Variants in ATG10 observed in about 807,000 individuals in gnomAD.
ATG10 encodes the protein autophagy related 10, also known as ubiquitin-like-conjugating enzyme ATG10.
In ATG10, 30 loss-of-function variants were observed where a neutral mutation model predicts 32.1. The ratio of observed to expected loss-of-function variants is 0.94; its 90% CI spans 0.70 to 1.27. The LOEUF (loss-of-function observed/expected upper bound fraction) is 1.27. Ranked by LOEUF, ATG10 falls within the 50% of genes most tolerant of loss-of-function variation. The pLI is 0.00. For missense variants in ATG10, 233 were observed against 262.3 expected (o/e 0.89, Z 0.77); for synonymous variants, 87 against 91.5 (o/e 0.95, Z 0.28).
chr5:82,078,489 A>G (rs1462587618), intron 3 of ATG10: 5 of 152,222 alleles, frequency 3.3e-5, no homozygotes, highest in African/African-American at 9.7e-5. Flanking sequence ...AGGAGGATTG[A>G]TAAGTCTAGG....
intron 2 of ATG10, among the ~76,000 whole-genome samples, chr5:82,029,961 G>A (rs1216509597): frequency 6.6e-6 from 1 of 152,186 alleles, no homozygotes; most frequent in Non-Finnish European, 1.5e-5. Flanking sequence ...AAGGTCACAT[G>A]TATTGGTGGC....
chr5:82,115,868 C>G (rs1222745697), intron 3 of ATG10, among the ~76,000 whole-genome samples: 3 of 151,902 alleles, frequency 2.0e-5, no homozygotes, highest in Non-Finnish European at 4.4e-5. Context: ...GGGAAAGAAA[C>G]CAGAGGAGAG....
intron 2 of ATG10, among the ~76,000 whole-genome samples, chr5:82,002,406 G>A (rs77214426): frequency 0.026 from 4,007 of 152,164 alleles, 77 homozygotes; most frequent in Middle Eastern, 0.044. Context: ...CCCATCAACA[G>A]TAGACTGGAT....
At chr5:82,174,641 A>G (rs1743939726) in intron 4 of ATG10, among the ~76,000 whole-genome samples, 1 of 152,210 alleles carries the variant, frequency 6.6e-6, no homozygotes, top group African/African-American at 2.4e-5. Context: ...TCAAAAGTTC[A>G]AAGGCAGTTC....
intron 5 of ATG10, among the ~76,000 whole-genome samples, chr5:82,213,982 A>G (rs1745585989): frequency 6.6e-6 from 1 of 152,180 alleles, no homozygotes; most frequent in South Asian, 2.1e-4. Flanking sequence ...TTCTGAGCAA[A>G]TGTGATCCTG....
intron 3 of ATG10, among the ~76,000 whole-genome samples, chr5:82,152,219 G>A (rs141533355): frequency 1.1e-4 from 16 of 152,308 alleles, no homozygotes; most frequent in African/African-American, 3.9e-4. Flanking sequence ...ATTAGGACAG[G>A]GTTCTTTATG....
intron 3 of ATG10, 151 bp from the exon 4 acceptor site, chr5:82,164,248 C>T (rs1743485262): frequency 2.8e-6 from 2 of 722,250 alleles, no homozygotes; most frequent in Non-Finnish European, 4.5e-6. Flanking sequence ...AAATGTTAAA[C>T]ATTAATATGG....
At chr5:82,165,528 C>T (rs1228417805) in intron 4 of ATG10, among the ~76,000 whole-genome samples, 1 of 152,198 alleles carries the variant, frequency 6.6e-6, no homozygotes, top group Non-Finnish European at 1.5e-5. Flanking sequence ...AAGAAATTCT[C>T]ATAGACTCCC....
chr5:82,050,839 CAAAAAAAAAAAAAAAAAAAAA>C (rs71000881), intron 2 of ATG10, among the ~76,000 whole-genome samples: 1 of 36,272 alleles, frequency 2.8e-5, no homozygotes, highest in Admixed American at 4.4e-4. Flanking sequence ...CCATCTCTAC[CAAAAAAAAAAAAAAAAAAAAA>C]AAAAAAAAAT....
At chr5:81,982,837 C>G (rs934725685) in intron 1 of ATG10, among the ~76,000 whole-genome samples, 2 of 152,200 alleles carry the variant, frequency 1.3e-5, no homozygotes, top group Non-Finnish European at 2.9e-5. Context: ...CCATTTAACC[C>G]CGAGTGGACA....
At chr5:82,226,473 A>G (rs893961512) in intron 5 of ATG10, among the ~76,000 whole-genome samples, 2 of 152,142 alleles carry the variant, frequency 1.3e-5, no homozygotes, top group African/African-American at 2.4e-5. Context: ...ATTTCAAACA[A>G]TCCTATTACC....
chr5:82,054,579 C>G (rs1368724246), intron 2 of ATG10, among the ~76,000 whole-genome samples: 1 of 152,248 alleles, frequency 6.6e-6, no homozygotes, highest in African/African-American at 2.4e-5. Context: ...CCGCTTTCCA[C>G]TTCCTGCTCT....
intron 2 of ATG10, among the ~76,000 whole-genome samples, chr5:81,998,861 C>T (rs1160707309): frequency 6.6e-6 from 1 of 152,036 alleles, no homozygotes; most frequent in Non-Finnish European, 1.5e-5. Flanking sequence ...TGTAAGTACC[C>T]ACACAGGAGC....
chr5:82,104,064 C>A (rs1186277632), intron 3 of ATG10, among the ~76,000 whole-genome samples: 1 of 151,958 alleles, frequency 6.6e-6, no homozygotes, highest in Non-Finnish European at 1.5e-5. Context: ...TTCAAATATA[C>A]CATGTTTTGT....
chr5:82,030,139 A>G (rs1762705735), intron 2 of ATG10, among the ~76,000 whole-genome samples: 1 of 152,120 alleles, frequency 6.6e-6, no homozygotes, highest in Non-Finnish European at 1.5e-5. Flanking sequence ...TGCTACATAC[A>G]GTAGGGCCTC....
intron 2 of ATG10, among the ~76,000 whole-genome samples, chr5:82,021,264 T>C (rs565285276): frequency 2.0e-5 from 3 of 152,204 alleles, no homozygotes; most frequent in South Asian, 4.1e-4. Context: ...TGGTTGCATC[T>C]GGATAGGCTG....
chr5:82,114,008 T>TA (rs201114047), intron 3 of ATG10, among the ~76,000 whole-genome samples: 4,583 of 152,134 alleles, frequency 0.03, 101 homozygotes, highest in Middle Eastern at 0.051. Context: ...AGTAATCATT[T>TA]AGTCTATGAT....
chr5:82,242,939 G>C (rs904121202), intron 5 of ATG10: 2 of 397,828 alleles, frequency 5.0e-6, no homozygotes, highest in Non-Finnish European at 9.8e-6. Context: ...GAGCTATAAA[G>C]TACTAATAAT....
At chr5:82,143,487 G>C (rs954416770) in intron 3 of ATG10, among the ~76,000 whole-genome samples, 1 of 152,246 alleles carries the variant, frequency 6.6e-6, no homozygotes, top group Non-Finnish European at 1.5e-5. Flanking sequence ...CAGTGAACAA[G>C]GGGTGAGGAA....
Sources: allele counts gnomAD v4.1 joint callset (sites outside exome capture counted in the v4.1 genomes callset), GRCh38; gene constraint gnomAD v4.1.1; transcripts MANE v1.5; gene names NCBI Gene and HGNC (gene_info 2026-07-23, HGNC 2026-07-21).